POU2F1: variants seen among roughly 807,000 people sequenced by gnomAD.
The protein encoded by POU2F1 is POU domain, class 2, transcription factor 1.
In POU2F1, 16 loss-of-function variants were observed where a neutral mutation model predicts 84.9. The ratio of observed to expected loss-of-function variants is 0.19; its 90% CI spans 0.13 to 0.29. The LOEUF is 0.29. POU2F1 is among the 10% of genes least tolerant of loss of function. The pLI, the probability that POU2F1 is intolerant of heterozygous loss-of-function variation, is 1.00. For missense variants in POU2F1, 738 were observed against 942.6 expected (o/e 0.78, Z 2.84); for synonymous variants, 368 against 368.3 (o/e 1.00, Z 0.01).
chr1:167,371,614 A>G (rs570525115), intron 4 of POU2F1, among the ~76,000 whole-genome samples: 2 of 152,314 alleles, frequency 1.3e-5, no homozygotes, highest in African/African-American at 4.8e-5. Context: ...TTGAAAATAT[A>G]TTCTTCCCTT....
At chr1:167,392,408 A>G (rs1298922703) in intron 9 of POU2F1, among the ~76,000 whole-genome samples, 2 of 152,084 alleles carry the variant, frequency 1.3e-5, no homozygotes, top group Admixed American at 1.3e-4. Flanking sequence ...GATTGATATG[A>G]GTAAGTTACA....
intron 1 of POU2F1, among the ~76,000 whole-genome samples, chr1:167,239,829 C>T (rs1193633945): frequency 3.3e-5 from 5 of 151,972 alleles, no homozygotes; most frequent in African/African-American, 1.2e-4. Context: ...TTATACTTTA[C>T]ACCGTACACA....
At chr1:167,261,388 C>G (rs1037126628) in intron 1 of POU2F1, among the ~76,000 whole-genome samples, 5 of 152,138 alleles carry the variant, frequency 3.3e-5, no homozygotes, top group African/African-American at 1.2e-4. Context: ...GCAGAGGATT[C>G]TTGCATAAGA....
chr1:167,412,475 G>A (rs962348083), intron 14 of POU2F1, among the ~76,000 whole-genome samples, 171 bp downstream of exon 14: 3 of 152,058 alleles, frequency 2.0e-5, no homozygotes, highest in African/African-American at 4.8e-5. Context: ...TTATAGTTGA[G>A]TTTATGTTTC....
rs1648398640 is a variant in POU2F1, at chr1:167,391,535, ATTTATATATATC to A, written c.987+1790_987+1801del. Among the ~76,000 whole-genome samples the A allele has an allele frequency of 3.6e-5, 5 of 137,186 alleles. No homozygotes were observed. The South Asian group carries it at 1.2e-3, about 34-fold the overall frequency. 90.0% of individuals were successfully genotyped at this position (137,186 alleles called of 152,430 possible). A position where few individuals can be genotyped will look rare whatever the true frequency, so the allele number is the denominator to read the frequency against. On this transcript the variant is annotated intron_variant, in intron 9 of 15. Transcript: ENST00000367866. ...GTACTATGGGTGTTTTTAAGAACAC[ATTTATATATATC>A]TTTATATATATCTTTTTTTTTTTTT...
chr1:167,396,564 A>G, intron 10 of POU2F1, 137 bp downstream of exon 10: 2 of 795,110 alleles, frequency 2.5e-6, no homozygotes, highest in South Asian at 3.9e-5. Context: ...TGGGAGGATC[A>G]TTATAAATTA....
intron 1 of POU2F1, among the ~76,000 whole-genome samples, chr1:167,320,314 A>C (rs1225542015): frequency 6.6e-6 from 1 of 152,222 alleles, no homozygotes; most frequent in African/African-American, 2.4e-5. Context: ...TTACCTTTCA[A>C]GCCAGAATAA....
intron 2 of POU2F1, 63 bp downstream of exon 2, chr1:167,332,598 A>G (rs1016607176): frequency 1.5e-6 from 2 of 1,356,160 alleles, no homozygotes; most frequent in Non-Finnish European, 2.1e-6. Flanking sequence ...GAAAGTTTCC[A>G]TGTAACTAGG....
intron 2 of POU2F1, among the ~76,000 whole-genome samples, chr1:167,344,075 TTTAAATTAAA>T (rs924349199): frequency 2.0e-5 from 3 of 152,118 alleles, no homozygotes; most frequent in African/African-American, 4.8e-5. Context: ...GCTCTTTAAA[TTTAAATTAAA>T]TTAAATTAAA....
At chr1:167,406,150 T>C (rs1247962893) in intron 13 of POU2F1, among the ~76,000 whole-genome samples, 1 of 152,074 alleles carries the variant, frequency 6.6e-6, no homozygotes, top group Admixed American at 6.5e-5. Flanking sequence ...TCCAGCAACA[T>C]ACTGAAAAAA....
intron 13 of POU2F1, among the ~76,000 whole-genome samples, chr1:167,405,417 C>A (rs1413586597): frequency 6.6e-6 from 1 of 151,888 alleles, no homozygotes; most frequent in Non-Finnish European, 1.5e-5. Context: ...GTGGCTTATG[C>A]CTATAATCCC....
At chr1:167,405,631 T>A (rs1164070991) in intron 13 of POU2F1, among the ~76,000 whole-genome samples, 1 of 151,984 alleles carries the variant, frequency 6.6e-6, no homozygotes, top group East Asian at 1.9e-4. Context: ...GAGGCTGCAA[T>A]AAGCTGAGAT....
At position 167,388,682 on chromosome 1, in the gene POU2F1, A is replaced by G. The variant is rs181346590; in HGVS notation, c.814-906A>G. ...TGCTTAAAACAAATAAAAATGCTATATATCCAGACAACTATTTAAACCATT... is the reference window on the plus strand; with the variant it reads ...TGCTTAAAACAAATAAAAATGCTATGTATCCAGACAACTATTTAAACCATT... On this transcript the variant is annotated intron_variant, in intron 8 of 15. Transcript: ENST00000367866. Among the ~76,000 whole-genome samples, 43 of 152,334 alleles carry G rather than the reference A, an allele frequency of 2.8e-4. 1 individual carries two copies. The highest frequency in any genetic ancestry group is 1.8e-3 in the Admixed American group (28 of 15,308).
intron 1 of POU2F1, among the ~76,000 whole-genome samples, chr1:167,237,128 G>A (rs918710231): frequency 5.9e-5 from 9 of 152,170 alleles, no homozygotes; most frequent in African/African-American, 2.2e-4. Context: ...TGGCTTGATG[G>A]TGATGATACT....
At chr1:167,252,016 GTATA>G (rs35801025) in intron 1 of POU2F1, among the ~76,000 whole-genome samples, 5 of 143,850 alleles carry the variant, frequency 3.5e-5, no homozygotes, top group Non-Finnish European at 4.6e-5. Context: ...GGCTAATTTT[GTATA>G]TATATATATA....
chr1:167,279,761 T>A (rs1424781445), intron 1 of POU2F1, among the ~76,000 whole-genome samples: 2 of 151,442 alleles, frequency 1.3e-5, no homozygotes, highest in African/African-American at 4.9e-5. Context: ...TTGATGGGAG[T>A]TGGGTGGGGA....
At chr1:167,342,897 A>T (rs1365009530) in intron 2 of POU2F1, among the ~76,000 whole-genome samples, 1 of 152,158 alleles carries the variant, frequency 6.6e-6, no homozygotes, top group Admixed American at 6.5e-5. Flanking sequence ...GAGTACCTTT[A>T]TAGCTAATTT....
intron 1 of POU2F1, among the ~76,000 whole-genome samples, chr1:167,234,705 G>T (rs1649323931): frequency 6.6e-6 from 1 of 152,182 alleles, no homozygotes; most frequent in Non-Finnish European, 1.5e-5. Flanking sequence ...CTGTTCTCCA[G>T]CCAGGATGAC....
chr1:167,393,399 C>CTAGT (rs779635614), intron 9 of POU2F1, among the ~76,000 whole-genome samples: 54 of 152,208 alleles, frequency 3.5e-4, no homozygotes, highest in Non-Finnish European at 7.2e-4. Context: ...TATCATGGTT[C>CTAGT]TAGTTAGTGA....
Sources: allele counts gnomAD v4.1 joint callset (sites outside exome capture counted in the v4.1 genomes callset), GRCh38; gene constraint gnomAD v4.1.1; transcripts MANE v1.5; gene names NCBI Gene and HGNC (gene_info 2026-07-23, HGNC 2026-07-21).